NSD1: variants seen among roughly 807,000 people sequenced by gnomAD.
NSD1 encodes histone-lysine N-methyltransferase, H3 lysine-36 specific.
In NSD1, 26 loss-of-function variants were observed where a neutral mutation model predicts 242.7. That is an observed-to-expected ratio of 0.11 (90% confidence interval 0.08 to 0.15). The LOEUF is 0.15. NSD1 is among the 10% of genes least tolerant of loss of function. The probability of loss-of-function intolerance (pLI) is 1.00; values close to 1 mark genes in which losing one functional copy is unlikely to be tolerated. For synonymous variants in NSD1, 1,106 were observed against 1,178.1 expected (o/e 0.94, Z 1.25); for missense variants, 2,495 against 3,272.8 (o/e 0.76, Z 5.80).
chr5:177,274,889 A>G (rs913467037), intron 17 of NSD1, among the ~76,000 whole-genome samples: 1 of 151,802 alleles, frequency 6.6e-6, no homozygotes, highest in Non-Finnish European at 1.5e-5. Context: ...GCACACCACT[A>G]TATGCGGCTA....
chr5:177,184,567 C>T (rs1484589422), intron 2 of NSD1, among the ~76,000 whole-genome samples: 1 of 151,906 alleles, frequency 6.6e-6, no homozygotes, highest in Admixed American at 6.6e-5. Context: ...CTCACTCTGT[C>T]ACTTAGGCTG....
chr5:177,169,303 CT>C (rs570684343), intron 2 of NSD1: 23 of 154,176 alleles, frequency 1.5e-4, no homozygotes, highest in South Asian at 7.9e-4. Flanking sequence ...TAAACGACGA[CT>C]TTTTTTTTAG....
chr5:177,199,442 A>G (rs1762343572), intron 3 of NSD1, among the ~76,000 whole-genome samples: 1 of 152,070 alleles, frequency 6.6e-6, no homozygotes, highest in South Asian at 2.1e-4. Context: ...ATTTTTTTAT[A>G]GACAGGGTCT....
chr5:177,162,813 C>T (rs1469926037), intron 2 of NSD1, among the ~76,000 whole-genome samples: 5 of 151,892 alleles, frequency 3.3e-5, no homozygotes, highest in Admixed American at 6.6e-5. Flanking sequence ...CTGGCACAGG[C>T]GCTACCTCAC....
At chr5:177,275,094 T>G (rs1322448424) in intron 17 of NSD1, among the ~76,000 whole-genome samples, 1 of 151,020 alleles carries the variant, frequency 6.6e-6, no homozygotes, top group Non-Finnish European at 1.5e-5. Flanking sequence ...ACCACCATCT[T>G]GAGAATCTAG....
intron 13 of NSD1, 120 bp from the exon 14 acceptor site, chr5:177,259,869 G>A: frequency 9.3e-7 from 1 of 1,071,668 alleles, no homozygotes; most frequent in Non-Finnish European, 1.4e-6. Flanking sequence ...CATCTTAGTG[G>A]TCATTCCTTC....
chr5:177,219,484 C>A (rs1272389550), intron 5 of NSD1, among the ~76,000 whole-genome samples: 1 of 152,144 alleles, frequency 6.6e-6, no homozygotes, highest in Non-Finnish European at 1.5e-5. Context: ...CGCGCCCGGC[C>A]CTGTCAAAAG....
chr5:177,150,364 C>G (rs891933903), intron 2 of NSD1, among the ~76,000 whole-genome samples: 1 of 152,026 alleles, frequency 6.6e-6, no homozygotes, highest in African/African-American at 2.4e-5. Context: ...CTCCTGAGTT[C>G]AGGGAATCCA....
chr5:177,210,920 A>G lies in NSD1; in HGVS notation c.2521A>G (p.Asn841Asp). 1.2e-6 allele frequency: 2 copies of G among 1,614,188 alleles called. No individual in the cohort carries two copies. The highest frequency in any genetic ancestry group is 1.7e-6 in the Non-Finnish European group (2 of 1,180,028). ...GKVDGLKLLN[N>D]MHEKTRDSSD... Reference sequence around the variant, plus strand: ...AGTGGATGGTCTAAAACTACTGAACAATATGCATGAGAAAACCAGGGATTC... The same window carrying G: ...AGTGGATGGTCTAAAACTACTGAACGATATGCATGAGAAAACCAGGGATTC... The change falls in exon 5 of 23, where the codon AAT becomes GAT. Residue 841 changes from asparagine (N) to aspartate (D), a missense_variant. Physicochemically the swap from Asn to Asp is conservative, Grantham distance 23. Around this residue, in one of 19 missense-constraint regions of NSD1, gnomAD observed 121 missense variants for 167.2 expected, o/e 0.72. Transcript: ENST00000439151.
intron 5 of NSD1, among the ~76,000 whole-genome samples, chr5:177,217,919 C>T (rs1395526486): frequency 4.0e-5 from 6 of 151,504 alleles, no homozygotes; most frequent in African/African-American, 7.3e-5. Flanking sequence ...CTGCCCACCT[C>T]GGCCTCCCAA....
intron 10 of NSD1, among the ~76,000 whole-genome samples, chr5:177,247,563 C>CT (rs199877657): frequency 0.02 from 2,665 of 134,122 alleles, 30 homozygotes; most frequent in South Asian, 0.031. Flanking sequence ...CTTGTCTCTA[C>CT]TTAAAAAAAA....
At chr5:177,282,423 G>A (rs1037788129) in intron 18 of NSD1, 42 bp from the exon 19 acceptor site, 2 of 1,221,534 alleles carry the variant, frequency 1.6e-6, no homozygotes, top group Admixed American at 1.7e-5. Context: ...GGATACCAGT[G>A]TCCTTTTTTG....
rs200094180 is a variant in NSD1, at chr5:177,269,814, T to G, written c.5509+7T>G. On this transcript the variant is annotated splice_region_variant and intron_variant, in intron 16 of 22. Transcript: ENST00000439151. The surrounding 1 kb of genome is among the most constrained non-coding windows in gnomAD (Gnocchi z 5.1). Reference sequence around the variant, plus strand: ...GATGGGACATATAAAAAAGGTAACTTTATCCTTTTTGTTTCTCAGGCAAAC... The same window carrying G: ...GATGGGACATATAAAAAAGGTAACTGTATCCTTTTTGTTTCTCAGGCAAAC... 1.9e-6 allele frequency: 3 copies of G among 1,605,926 alleles called. No individual in the cohort carries two copies. Among genetic ancestry groups the G allele is most frequent in the Non-Finnish European group, 2.6e-6 (3 of 1,174,654 alleles).
intron 2 of NSD1, among the ~76,000 whole-genome samples, chr5:177,190,565 C>T (rs1222818964): frequency 6.6e-6 from 1 of 152,150 alleles, no homozygotes; most frequent in Non-Finnish European, 1.5e-5. Flanking sequence ...ACTGGGATTA[C>T]AGATGTGAGC....
chr5:177,207,369 G>T (rs1283466477), intron 4 of NSD1, among the ~76,000 whole-genome samples: 2 of 151,322 alleles, frequency 1.3e-5, no homozygotes, highest in Non-Finnish European at 2.9e-5. Flanking sequence ...TACAACCTCC[G>T]CCTCCCGGGT....
chr5:177,268,269 C>T (rs1472976625), intron 15 of NSD1, among the ~76,000 whole-genome samples: 1 of 143,848 alleles, frequency 7.0e-6, no homozygotes, highest in South Asian at 2.2e-4. Context: ...CCACTGCACC[C>T]GGCCACTTTT....
chr5:177,158,589 C>T (rs1023011610), intron 2 of NSD1, among the ~76,000 whole-genome samples: 14 of 151,976 alleles, frequency 9.2e-5, no homozygotes, highest in African/African-American at 2.4e-4. Context: ...TCACCCACCT[C>T]GGCCTCCCAA....
chr5:177,261,547 A>T (rs948993509), intron 14 of NSD1, among the ~76,000 whole-genome samples: 3 of 151,958 alleles, frequency 2.0e-5, no homozygotes, highest in Admixed American at 6.6e-5. Context: ...AAAGTTCTGA[A>T]TTCGTTATTT....
intron 2 of NSD1, among the ~76,000 whole-genome samples, chr5:177,165,357 C>T (rs931586721): frequency 2.0e-5 from 3 of 152,062 alleles, no homozygotes; most frequent in African/African-American, 7.2e-5. Context: ...TGATTAGAGA[C>T]AGGGTTTCAC....
Sources: allele counts gnomAD v4.1 joint callset (sites outside exome capture counted in the v4.1 genomes callset), GRCh38; gene constraint gnomAD v4.1.1; regional missense constraint gnomAD v4.1.1; non-coding constraint Gnocchi (gnomAD v3.1); transcripts MANE v1.5; gene names NCBI Gene and HGNC (gene_info 2026-07-23, HGNC 2026-07-21).